RIC1: variants seen among roughly 807,000 people sequenced by gnomAD.
The protein encoded by RIC1 is guanine nucleotide exchange factor subunit RIC1.
RIC1 carries 88 observed loss-of-function variants against 169.0 expected under a neutral mutation model. That is an observed-to-expected ratio of 0.52 (90% CI 0.44 to 0.62). RIC1 has a LOEUF of 0.62. RIC1 is among the 20% of genes least tolerant of loss of function. RIC1 has a pLI of 0.00. For synonymous variants in RIC1, 790 were observed against 601.5 expected, an observed-to-expected ratio of 1.31 and a Z score of -4.59; for missense variants, 1,877 against 1,725.5, an observed-to-expected ratio of 1.09 and a Z score of -1.56.
At chr9:5,760,862 T>C (rs150476701) in intron 17 of RIC1, among the ~76,000 whole-genome samples, 3 of 152,282 alleles carry the variant, frequency 2.0e-5, no homozygotes, top group African/African-American at 7.2e-5. Flanking sequence ...TAAATGATCA[T>C]TGGTAGCTTA....
chr9:5,660,850 G>C (rs773059546), intron 2 of RIC1, among the ~76,000 whole-genome samples: 3 of 152,102 alleles, frequency 2.0e-5, no homozygotes, highest in Non-Finnish European at 4.4e-5. Flanking sequence ...AAGCTCTTCA[G>C]TTCGATTAGA....
intron 2 of RIC1, among the ~76,000 whole-genome samples, chr9:5,662,729 C>T (rs527930109): frequency 1.2e-4 from 18 of 151,946 alleles, no homozygotes; most frequent in Non-Finnish European, 2.2e-4. Flanking sequence ...CTTCTCTTTT[C>T]TTCTTTATTA....
chr9:5,697,674 C>A (rs1414135204), intron 3 of RIC1, among the ~76,000 whole-genome samples: 2 of 152,082 alleles, frequency 1.3e-5, no homozygotes, highest in African/African-American at 4.8e-5. Context: ...CTGAGCCTTT[C>A]CAGAATTATG....
chr9:5,770,090 G>A lies in RIC1; in HGVS notation c.3428G>A (p.Gly1143Glu). ...PFKNGKYRTV[G>E]EQLLKSQSAD... The stretch of plus-strand genomic sequence containing the variant: ...TGTTTTCGGACCCACTCTGCAGTGG[G>A]AGAGCAGCTGTTAAAGTCTCAATCA... The change falls in exon 23 of 26, where the codon GGA (glycine) becomes GAA (glutamate). Residue 1143 changes from glycine (G) to glutamate (E), a missense_variant. Around this residue, in one of 3 missense-constraint regions of RIC1, gnomAD observed 681 missense variants for 582.0 expected, o/e 1.17. Coordinates refer to ENST00000414202, the MANE Select transcript of RIC1 (RefSeq NM_020829.4). 6.2e-7 allele frequency: 1 copy of A among 1,610,512 alleles called. No homozygotes were observed. The highest frequency in any genetic ancestry group is 1.1e-5 in the South Asian group (1 of 90,688).
intron 1 of RIC1, among the ~76,000 whole-genome samples, chr9:5,643,165 G>C (rs1015418890): frequency 8.6e-5 from 13 of 152,028 alleles, no homozygotes; most frequent in African/African-American, 2.9e-4. Flanking sequence ...AAATCAGCTG[G>C]CCATGGTGGT....
chr9:5,756,395 G>A lies in RIC1; in HGVS notation c.1853+23G>A, dbSNP rs374908662. Reference sequence around the variant, plus strand: ...TGGGTAAGTATCTGGCATATGAGAAGTCACTTTTTGCTCCTATTTACCACG... The same window carrying A: ...TGGGTAAGTATCTGGCATATGAGAAATCACTTTTTGCTCCTATTTACCACG... On this transcript the variant is annotated intron_variant, in intron 16 of 25. Transcript: ENST00000414202. 18 of 1,376,700 alleles carry A rather than the reference G, an allele frequency of 1.3e-5. No individual in the cohort carries two copies. In the Admixed American group the frequency reaches 4.5e-4, roughly 35 times the overall value. The allele number at this position is 1,376,700 out of a possible 1,614,324, so 85.3% of individuals were successfully genotyped here. A position where few individuals can be genotyped will look rare whatever the true frequency, so the allele number is the denominator to read the frequency against.
At chr9:5,687,224 C>T (rs1821304910) in intron 2 of RIC1, among the ~76,000 whole-genome samples, 1 of 151,940 alleles carries the variant, frequency 6.6e-6, no homozygotes, top group Non-Finnish European at 1.5e-5. Context: ...TTTGCCTGAT[C>T]AGTGTGACCA....
chr9:5,677,603 C>T (rs1440587104), intron 2 of RIC1, among the ~76,000 whole-genome samples: 2 of 151,328 alleles, frequency 1.3e-5, no homozygotes, highest in Admixed American at 6.6e-5. Context: ...TTTTTGAAAT[C>T]ACACAGTGTT....
chr9:5,727,840 G>A lies in RIC1; in HGVS notation c.721-4548G>A, dbSNP rs112325897. Among the ~76,000 whole-genome samples, 227 of 152,340 alleles carry A rather than the reference G, an allele frequency of 1.5e-3. 1 individual carries two copies. Among genetic ancestry groups the A allele is most frequent in the African/African-American group, 5.3e-3 (220 of 41,586 alleles). On this transcript the variant is annotated intron_variant, in intron 6 of 25. Transcript: ENST00000414202. ...CCCTGTTTGCCTGGGTATCACTAGC[G>A]GAGGCTGCAGAACAGCACATATTGC... is the stretch of plus-strand genomic sequence containing the variant.
intron 1 of RIC1, among the ~76,000 whole-genome samples, chr9:5,637,368 C>T (rs902411739): frequency 2.6e-5 from 4 of 152,154 alleles, no homozygotes; most frequent in African/African-American, 9.7e-5. Context: ...TATACCCAGC[C>T]ATGAGATATT....
At chr9:5,709,506 C>G (rs1416137809) in intron 3 of RIC1, among the ~76,000 whole-genome samples, 1 of 152,144 alleles carries the variant, frequency 6.6e-6, no homozygotes. Context: ...GAGATAATTC[C>G]TGTCTCAAAA....
In RIC1 at chr9:5,672,776, C is replaced by T. The variant is rs1219212632; in HGVS notation, c.252+16086C>T. ...AAGTTTAATGAAAAAACGTACATATCTAGAGATAATGTGCAGAAATAACTG... is the reference window on the plus strand; with the variant it reads ...AAGTTTAATGAAAAAACGTACATATTTAGAGATAATGTGCAGAAATAACTG... On this transcript the variant is annotated intron_variant, in intron 2 of 25. Transcript: ENST00000414202. Among the ~76,000 whole-genome samples the T allele has an allele frequency of 1.9e-4, 29 of 152,088 alleles. 1 individual carries two copies. Among genetic ancestry groups the T allele is most frequent in the Admixed American group, 1.8e-3 (28 of 15,280 alleles).
At chr9:5,686,455 T>C (rs567539614) in intron 2 of RIC1, among the ~76,000 whole-genome samples, 1 of 151,918 alleles carries the variant, frequency 6.6e-6, no homozygotes, top group East Asian at 1.9e-4. Context: ...CCATAAAAAA[T>C]GATGAGTTCA....
At chr9:5,765,607 A>G (rs973905779) in intron 20 of RIC1, 35 bp downstream of exon 20, 25 of 1,613,914 alleles carry the variant, frequency 1.5e-5, no homozygotes, top group Non-Finnish European at 1.9e-5. Context: ...TCTCTAGGCC[A>G]TACACCCACG....
chr9:5,751,978 G>A (rs1041057361), intron 12 of RIC1, among the ~76,000 whole-genome samples: 2 of 152,202 alleles, frequency 1.3e-5, no homozygotes, highest in South Asian at 4.1e-4. Context: ...TGAACAGATC[G>A]AAGCTTTTCT....
chr9:5,652,995 A>G (rs1818890392), intron 1 of RIC1, among the ~76,000 whole-genome samples: 2 of 152,178 alleles, frequency 1.3e-5, no homozygotes, highest in Admixed American at 1.3e-4. Context: ...TTAATGTAAT[A>G]TATCACATTT....
chr9:5,670,303 C>G (rs1473012314), intron 2 of RIC1, among the ~76,000 whole-genome samples: 2 of 152,224 alleles, frequency 1.3e-5, no homozygotes, highest in African/African-American at 4.8e-5. Context: ...TCTGCCTGAA[C>G]TAAGTCTGCT....
Position 5,702,157 on chromosome 9 carries a change from G to T in RIC1, c.333-11739G>T, listed in dbSNP as rs369304542. ...ATATCAAATATACTGTAAAAGTGAT[G>T]TGTACTCTAAAGGAGCTACAGATAA... On this transcript the variant is annotated intron_variant, in intron 3 of 25. Transcript: ENST00000414202. Among the ~76,000 whole-genome samples, 251 of 152,332 alleles carry T rather than the reference G, an allele frequency of 1.6e-3. 1 individual carries two copies. The highest frequency in any genetic ancestry group is 5.6e-3 in the African/African-American group (231 of 41,572).
intron 17 of RIC1, among the ~76,000 whole-genome samples, chr9:5,759,267 A>G (rs1318158328): frequency 1.3e-5 from 2 of 152,250 alleles, no homozygotes; most frequent in Admixed American, 6.5e-5. Context: ...AAAACCAGAT[A>G]TGGTATGCTT....
Sources: allele counts gnomAD v4.1 joint callset (sites outside exome capture counted in the v4.1 genomes callset), GRCh38; gene constraint gnomAD v4.1.1; regional missense constraint gnomAD v4.1.1; transcripts MANE v1.5; gene names NCBI Gene and HGNC (gene_info 2026-07-23, HGNC 2026-07-21).